IFT74: variants seen among roughly 807,000 people sequenced by gnomAD.
IFT74 encodes intraflagellar transport protein 74 homolog.
A neutral mutation model predicts 96.7 loss-of-function variants in IFT74; 92 were observed. That is an observed-to-expected ratio of 0.95 (90% CI 0.80 to 1.13). The LOEUF (loss-of-function observed/expected upper bound fraction) is 1.13, where lower values mean the gene tolerates loss of function less well. Among genes scored for constraint, IFT74 ranks in the 50% most tolerant of loss-of-function variants. The pLI is 0.00. For synonymous variants in IFT74, 223 were observed against 213.2 expected, an observed-to-expected ratio of 1.05 and a Z score of -0.40; for missense variants, 811 against 698.2, an observed-to-expected ratio of 1.16 and a Z score of -1.82.
intron 13 of IFT74, among the ~76,000 whole-genome samples, chr9:27,033,739 T>C (rs1430542643): frequency 2.6e-5 from 4 of 151,238 alleles, no homozygotes; most frequent in Non-Finnish European, 5.9e-5. Flanking sequence ...AGTACATTCA[T>C]GTTTATAACT....
chr9:27,052,462 C>A lies in IFT74; in HGVS notation c.1334-3147C>A, dbSNP rs556671590. ...GGTGGAGGTTGCAGTGAGCCGAGAT[C>A]GCGCCATTGCACTCCAGCCTGGGCA... is the stretch of plus-strand genomic sequence containing the variant. On this transcript the variant is annotated intron_variant, in intron 16 of 19. Transcript: ENST00000380062. 5.5e-5 allele frequency among the ~76,000 whole-genome samples: 8 copies of A among 145,974 alleles called. No homozygotes were observed. The South Asian group carries it at 1.7e-3, about 32-fold the overall frequency.
intron 9 of IFT74, among the ~76,000 whole-genome samples, chr9:27,010,719 C>T (rs1829027800): frequency 8.3e-6 from 1 of 119,870 alleles, no homozygotes; most frequent in African/African-American, 3.0e-5. Flanking sequence ...CCGCCCCCCT[C>T]GGCTTCCCAA....
intron 9 of IFT74, among the ~76,000 whole-genome samples, chr9:27,009,650 C>T (rs935492719): frequency 2.0e-5 from 3 of 150,550 alleles, no homozygotes; most frequent in Admixed American, 1.3e-4. Context: ...CCAGCCTGGG[C>T]AACAGAGCGA....
In IFT74 at chr9:26,980,005, G is replaced by A. The variant is rs543321985; in HGVS notation, c.257-566G>A. Among the ~76,000 whole-genome samples, 379 of 152,124 alleles carry A rather than the reference G, an allele frequency of 2.5e-3. 2 individuals are homozygous for A. Among genetic ancestry groups the A allele is most frequent in the African/African-American group, 8.8e-3 (366 of 41,494 alleles). On this transcript the variant is annotated intron_variant, in intron 3 of 19. Coordinates refer to ENST00000380062, the MANE Select transcript of IFT74 (RefSeq NM_025103.4). ...GCTGGGATTACAGGTGTGAGCCACC[G>A]TGCCCGGCCAGGAATACTTTCTTAG...
Position 27,044,667 on chromosome 9 carries a change from C to T in IFT74, c.1055-75C>T, listed in dbSNP as rs1485660034. The T allele has an allele frequency of 3.6e-6, 3 of 828,858 alleles. No homozygotes were observed. In the Admixed American group the frequency reaches 6.9e-5, roughly 19 times the overall value. The allele number at this position is 828,858 out of a possible 1,614,324, so 51.3% of individuals were successfully genotyped here. ...CAATGACTAATGGCATAGAGAGAACCAAAGAGAGATTTTTAATTTAGAGCC... is the reference window on the plus strand; with the variant it reads ...CAATGACTAATGGCATAGAGAGAACTAAAGAGAGATTTTTAATTTAGAGCC... On this transcript the variant is annotated intron_variant, in intron 13 of 19. Transcript: ENST00000380062.
At chr9:27,030,477 G>A (rs1830068511) in intron 13 of IFT74, among the ~76,000 whole-genome samples, 2 of 151,178 alleles carry the variant, frequency 1.3e-5, no homozygotes, top group South Asian at 4.2e-4. Flanking sequence ...GAACCCAGGA[G>A]GCGGAGGTTG....
chr9:27,029,718 A>G (rs1830034537), intron 13 of IFT74, among the ~76,000 whole-genome samples: 2 of 152,248 alleles, frequency 1.3e-5, no homozygotes. Context: ...ACTGCACTCC[A>G]TCCTGGGCCA....
chr9:26,947,369 A>AAG (rs2131444238), intron 1 of IFT74: 2 of 287,248 alleles, frequency 7.0e-6, no homozygotes, highest in East Asian at 1.2e-4. Context: ...CCTGCTGAGC[A>AAG]AGAGAGAAAG....
intron 8 of IFT74, among the ~76,000 whole-genome samples, chr9:26,998,592 C>T (rs1273925189): frequency 2.0e-5 from 3 of 152,078 alleles, no homozygotes; most frequent in Non-Finnish European, 4.4e-5. Context: ...TTTAATATTC[C>T]AGTGTGCACA....
At chr9:26,967,247 A>G (rs966081784) in intron 2 of IFT74, among the ~76,000 whole-genome samples, 1 of 151,534 alleles carries the variant, frequency 6.6e-6, no homozygotes, top group Non-Finnish European at 1.5e-5. Context: ...ATATCTTTCT[A>G]TTTTTTGTTG....
rs57222481 is a variant in IFT74 at position 26,985,795 on chromosome 9, AAC to A, written c.465+1240_465+1241del. ...TCCTATCAGTGATCATTGCTTTAAA[AAC>A]ACATTTTTTATCAAGTGTTGTCATC... On this transcript the variant is annotated intron_variant, in intron 6 of 19. Coordinates refer to ENST00000380062, the MANE Select transcript of IFT74 (RefSeq NM_025103.4). Among the ~76,000 whole-genome samples the A allele has an allele frequency of 5.7e-3, 868 of 152,340 alleles. 10 individuals carry two copies. The highest frequency in any genetic ancestry group is 0.02 in the African/African-American group (814 of 41,584).
chr9:27,029,196 C>A (rs1315455647), intron 13 of IFT74, 92 bp downstream of exon 13: 2 of 865,272 alleles, frequency 2.3e-6, no homozygotes, highest in Non-Finnish European at 3.5e-6. Flanking sequence ...GTTCAACTAC[C>A]TGGGATTTAT....
At position 27,011,562 on chromosome 9, in the gene IFT74, T is replaced by G. The variant is rs145333972; in HGVS notation, c.727-344T>G. On this transcript the variant is annotated intron_variant, in intron 9 of 19. Coordinates refer to ENST00000380062, the MANE Select transcript of IFT74 (RefSeq NM_025103.4). ...TTAAACAATGACATAATTTGAAAGC[T>G]TCTGATATTTGATGTCTCAGAACAT... 6.9e-4 allele frequency among the ~76,000 whole-genome samples: 105 copies of G among 152,076 alleles called. 1 individual carries two copies. The highest frequency in any genetic ancestry group is 2.3e-3 in the African/African-American group (97 of 41,526).
intron 9 of IFT74, among the ~76,000 whole-genome samples, chr9:27,010,082 G>T (rs1828982594): frequency 6.6e-6 from 1 of 151,744 alleles, no homozygotes; most frequent in Non-Finnish European, 1.5e-5. Flanking sequence ...ACGCCTCCCG[G>T]GTTCATGCCA....
At chr9:26,966,771 C>A (rs1344902853) in intron 2 of IFT74, among the ~76,000 whole-genome samples, 1 of 151,770 alleles carries the variant, frequency 6.6e-6, no homozygotes, top group African/African-American at 2.4e-5. Flanking sequence ...GATAATTTCC[C>A]CTGTGTTTTC....
At chr9:27,002,676 G>A (rs1828564427) in intron 8 of IFT74, among the ~76,000 whole-genome samples, 1 of 152,176 alleles carries the variant, frequency 6.6e-6, no homozygotes, top group African/African-American at 2.4e-5. Context: ...GTACCATGCT[G>A]ATTTGGTTAC....
intron 8 of IFT74, among the ~76,000 whole-genome samples, chr9:26,990,575 C>G (rs1303575304): frequency 6.6e-6 from 1 of 152,136 alleles, no homozygotes; most frequent in African/African-American, 2.4e-5. Flanking sequence ...AAGCTATTTA[C>G]ATTATTTCAT....
At chr9:27,060,411 C>A (rs982281615) in intron 18 of IFT74, among the ~76,000 whole-genome samples, 180 bp from the exon 19 acceptor site, 3 of 151,492 alleles carry the variant, frequency 2.0e-5, no homozygotes, top group African/African-American at 7.3e-5. Flanking sequence ...TAGGATTCAT[C>A]ACTGTATTAA....
chr9:26,966,342 G>A (rs1427886649), intron 2 of IFT74, among the ~76,000 whole-genome samples: 1 of 151,788 alleles, frequency 6.6e-6, no homozygotes, highest in Non-Finnish European at 1.5e-5. Flanking sequence ...ATTTGCTATT[G>A]CCTTTCTTTT....
Sources: gnomAD v4.1 joint callset for allele counts (sites outside exome capture counted in the v4.1 genomes callset) on GRCh38, gnomAD v4.1.1 for gene constraint, MANE v1.5 for transcripts, NCBI Gene and HGNC (gene_info 2026-07-23, HGNC 2026-07-21) for gene names.